Variants in ANGEL1 observed in about 807,000 individuals in gnomAD.
ANGEL1 encodes angel homolog 1.
In ANGEL1, 62 loss-of-function variants were observed where a neutral mutation model predicts 76.4. That is an observed-to-expected ratio of 0.81 (90% CI 0.66 to 1.00). The LOEUF (loss-of-function observed/expected upper bound fraction) is 1.00, where lower values mean the gene tolerates loss of function less well. ANGEL1 is among the 50% of genes least tolerant of loss of function. ANGEL1 has a pLI of 0.00. For synonymous variants in ANGEL1, 340 were observed against 331.7 expected (o/e 1.03, Z -0.27); for missense variants, 737 against 836.7 (o/e 0.88, Z 1.47).
intron 5 of ANGEL1, among the ~76,000 whole-genome samples, chr14:76,806,023 T>C (rs1294262313): frequency 6.6e-6 from 1 of 152,168 alleles, no homozygotes; most frequent in Admixed American, 6.5e-5. Context: ...AACATAGATA[T>C]CACTGTAAAT....
intron 7 of ANGEL1, among the ~76,000 whole-genome samples, 189 bp downstream of exon 7, chr14:76,803,182 G>A (rs1348036030): frequency 3.3e-5 from 5 of 152,178 alleles, no homozygotes; most frequent in Admixed American, 1.3e-4. Flanking sequence ...TTCCTGGTCC[G>A]GCACTCTTAT....
chr14:76,809,267 C>T lies in ANGEL1; in HGVS notation c.441G>A (p.Trp147Ter). The change falls in exon 2 of 10, where the codon TGG (tryptophan) becomes TGA (stop). Residue 147 changes from tryptophan to a stop codon, truncating the protein, a stop_gained. Coordinates refer to ENST00000251089, the MANE Select transcript of ANGEL1 (RefSeq NM_015305.4). LOFTEE classifies it high-confidence loss of function. ...GCTCCGACTGCATGGGGATAGCTGC[C>T]CACATGGAGCCCTCCACCCCCTCCA... is the stretch of plus-strand genomic sequence containing the variant. ...LEVEGVEGSMWAAIPMQSEPQ... is the reference protein window; with the variant it reads ...LEVEGVEGSM The T allele has an allele frequency of 6.2e-7, 1 of 1,613,402 alleles. No homozygotes were observed. Among genetic ancestry groups the T allele is most frequent in the Non-Finnish European group, 8.5e-7 (1 of 1,179,588 alleles).
chr14:76,811,773 A>G (rs990308655), intron 1 of ANGEL1, among the ~76,000 whole-genome samples: 19 of 152,354 alleles, frequency 1.2e-4, no homozygotes, highest in Admixed American at 7.8e-4. Flanking sequence ...TTAACACCAG[A>G]GATACAGCGA....
intron 7 of ANGEL1, among the ~76,000 whole-genome samples, chr14:76,800,729 G>C (rs1264593177): frequency 6.6e-6 from 1 of 152,196 alleles, no homozygotes; most frequent in African/African-American, 2.4e-5. Context: ...CCAGCACTTT[G>C]GGAGGATGAG....
chr14:76,812,812 A>T lies in ANGEL1; in HGVS notation c.16T>A (p.Leu6Met). Residue 6 changes from leucine (L) to methionine (M), a missense_variant, in exon 1 of 10, where the codon TTG becomes ATG. Physicochemically the swap from Leu to Met is conservative, Grantham distance 15. Transcript: ENST00000251089. MIASCLCYLLLPATRL... is the reference protein window; with the variant it reads MIASCMCYLLLPATRL... ...GTGGCCGGCAGCAGCAGGTAACACA[A>T]GCACGACGCGATCATGGCCGGCCGC... 6.6e-7 allele frequency: 1 copy of T among 1,518,162 alleles called. No individual in the cohort carries two copies. Among genetic ancestry groups the T allele is most frequent in the South Asian group, 1.2e-5 (1 of 81,618 alleles). 94.0% of individuals were successfully genotyped at this position (1,518,162 alleles called of 1,614,324 possible).
At chr14:76,805,609 G>A (rs1041781118) in intron 5 of ANGEL1, among the ~76,000 whole-genome samples, 4 of 152,166 alleles carry the variant, frequency 2.6e-5, no homozygotes, top group Admixed American at 6.5e-5. Flanking sequence ...ACTACGAGGT[G>A]TTTGTCATCA....
At chr14:76,812,467 G>A in intron 1 of ANGEL1, 1 of 1,196,610 alleles carries the variant, frequency 8.4e-7, no homozygotes, top group Non-Finnish European at 1.0e-6. Flanking sequence ...TGCACCCCCA[G>A]GGCCAGGAAA....
rs766077836 is a variant in ANGEL1, at chr14:76,791,289, A to G, written c.1688+8T>C. 1 of 1,614,000 alleles carries G rather than the reference A, an allele frequency of 6.2e-7. No homozygotes were observed. The highest frequency in any genetic ancestry group is 8.5e-7 in the Non-Finnish European group (1 of 1,179,910). On this transcript the variant is annotated splice_region_variant and intron_variant, in intron 8 of 9. Transcript: ENST00000251089. ...GATTGAAAACAGAAGAGAACTGGAGAAGGTTACCTGGAGAAGGCAGGCTCA... is the reference window on the plus strand; with the variant it reads ...GATTGAAAACAGAAGAGAACTGGAGGAGGTTACCTGGAGAAGGCAGGCTCA...
chr14:76,807,554 C>T (rs752333121), intron 3 of ANGEL1, 52 bp from the exon 4 acceptor site: 4 of 1,583,904 alleles, frequency 2.5e-6, no homozygotes, highest in Non-Finnish European at 3.5e-6. Context: ...AATGTGACCC[C>T]CACCCTCTAG....
intron 7 of ANGEL1, among the ~76,000 whole-genome samples, chr14:76,793,414 A>AGGGGAG (rs1566695826): frequency 1.3e-4 from 1 of 7,508 alleles, no homozygotes; most frequent in Non-Finnish European, 2.8e-4. Flanking sequence ...GGATAAAAGG[A>AGGGGAG]AAGAGGAGAG....
Position 76,808,038 on chromosome 14 carries a change from C to G in ANGEL1, c.760G>C (p.Ala254Pro). 1 of 1,614,176 alleles carries G rather than the reference C, an allele frequency of 6.2e-7. No homozygotes were observed. The highest frequency in any genetic ancestry group is 8.5e-7 in the Non-Finnish European group (1 of 1,180,048). Residue 254 changes from alanine (A) to proline (P), a missense_variant, in exon 3 of 10, where the codon GCT becomes CCT. Around this residue, in one of 2 missense-constraint regions of ANGEL1, gnomAD observed 441 missense variants for 449.5 expected, o/e 0.98. Coordinates refer to ENST00000251089, the MANE Select transcript of ANGEL1 (RefSeq NM_015305.4). ...QFTLMSYNILAQDLMQQSSEL... is the reference protein window; with the variant it reads ...QFTLMSYNILPQDLMQQSSEL... ...GAGCTCTGCTGCATCAGGTCCTGAG[C>G]CAGGATGTTATAAGACATCAGAGTG...
chr14:76,797,216 G>A (rs1265914091), intron 7 of ANGEL1, among the ~76,000 whole-genome samples: 1 of 152,232 alleles, frequency 6.6e-6, no homozygotes, highest in African/African-American at 2.4e-5. Flanking sequence ...CAGTAAAGAA[G>A]CTGGATTTAG....
intron 7 of ANGEL1, among the ~76,000 whole-genome samples, chr14:76,794,772 A>T (rs60024632): frequency 6.7e-6 from 1 of 148,914 alleles, no homozygotes; most frequent in African/African-American, 2.5e-5. Context: ...TACACAGTGT[A>T]TTTTTTTCAT....
chr14:76,805,376 CTGAGT>C (rs890076871), intron 5 of ANGEL1, among the ~76,000 whole-genome samples: 3 of 152,220 alleles, frequency 2.0e-5, no homozygotes, highest in African/African-American at 7.2e-5. Flanking sequence ...TCCTCGTTCC[CTGAGT>C]TCCTTGATTA....
intron 5 of ANGEL1, chr14:76,804,557 G>T: frequency 1.6e-6 from 1 of 606,984 alleles, no homozygotes; most frequent in Non-Finnish European, 2.1e-6. Flanking sequence ...CTAGGTGCTG[G>T]GGATAGAGCA....
intron 1 of ANGEL1, among the ~76,000 whole-genome samples, chr14:76,811,273 G>C (rs1025003553): frequency 6.6e-6 from 1 of 152,162 alleles, no homozygotes; most frequent in East Asian, 1.9e-4. Context: ...GTATGGGCTG[G>C]GTCGTTGAGC....
rs968964121 is a variant in ANGEL1 at position 76,788,660 on chromosome 14, A to C, written c.*568T>G. 6.5e-6 allele frequency: 1 copy of C among 152,718 alleles called. No individual in the cohort carries two copies. The highest frequency in any genetic ancestry group is 1.5e-5 in the Non-Finnish European group (1 of 68,450). 9.5% of individuals were successfully genotyped at this position (152,718 alleles called of 1,614,324 possible). A position where few individuals can be genotyped will look rare whatever the true frequency, so the allele number is the denominator to read the frequency against. On this transcript the variant is annotated 3_prime_UTR_variant, in exon 10 of 10. Transcript: ENST00000251089. ...CCATGCCCTGCTGCTGCCTGCTCAT[A>C]CATAGGTACTTGGGTAGACTCTGAA...
chr14:76,807,225 A>G (rs1430815403), intron 4 of ANGEL1, among the ~76,000 whole-genome samples: 1 of 152,194 alleles, frequency 6.6e-6, no homozygotes, highest in African/African-American at 2.4e-5. Context: ...GTCTCACCAC[A>G]TTGGTTACTT....
chr14:76,803,443 G>A lies in ANGEL1; in HGVS notation c.1546C>T (p.Arg516Cys), dbSNP rs564143073. Reference sequence around the variant, plus strand: ...CGCTGACAAGCGATGCTGCAGAAGCGGAAACGTAGCAGGAAGTCTCGGCCA... The same window carrying A: ...CGCTGACAAGCGATGCTGCAGAAGCAGAAACGTAGCAGGAAGTCTCGGCCA... The part of the protein sequence containing the change: ...KYGRDFLLRF[R>C]FCSIACQRPV... Residue 516 changes from arginine (R) to cysteine (C), a missense_variant, in exon 7 of 10, where the codon CGC (arginine) becomes TGC (cysteine). Around this residue, in one of 2 missense-constraint regions of ANGEL1, gnomAD observed 296 missense variants for 387.2 expected, o/e 0.76. Transcript: ENST00000251089. 20 of 1,614,184 alleles carry A rather than the reference G, an allele frequency of 1.2e-5. No homozygotes were observed. The highest frequency in any genetic ancestry group is 6.7e-5 in the East Asian group (3 of 44,886).
Sources: allele counts gnomAD v4.1 joint callset (sites outside exome capture counted in the v4.1 genomes callset), GRCh38; gene constraint gnomAD v4.1.1; regional missense constraint gnomAD v4.1.1; transcripts MANE v1.5; gene names NCBI Gene and HGNC (gene_info 2026-07-23, HGNC 2026-07-21).